The following XKRX variants were observed in gnomAD, a reference collection of about 807,000 sequenced individuals.
XKRX encodes XK related X-linked.
XKRX carries 11 observed loss-of-function variants against 22.4 expected under a neutral mutation model. That is an observed-to-expected ratio of 0.49 (90% CI 0.31 to 0.81). The LOEUF (loss-of-function observed/expected upper bound fraction) is 0.81, where lower values mean the gene tolerates loss of function less well. XKRX is among the 40% of genes least tolerant of loss of function. XKRX has a pLI of 0.05. For synonymous variants in XKRX, 114 were observed against 132.2 expected, an observed-to-expected ratio of 0.86 and a Z score of 0.94; for missense variants, 320 against 336.5, an observed-to-expected ratio of 0.95 and a Z score of 0.38.
intron 2 of XKRX, among the ~76,000 whole-genome samples, chrX:100,916,889 C>T (rs957478980): frequency 1.8e-5 from 2 of 112,358 alleles, no homozygotes; most frequent in Admixed American, 1.9e-4. Context: ...GAGGCCAAGG[C>T]GGATGGATCA....
chrX:100,894,044 G>A, the XKRX span, among the ~76,000 whole-genome samples: 76 of 110,904 alleles, frequency 6.9e-4, no homozygotes, highest in African/African-American at 2.3e-3. Context: ...CGAGGCAGGC[G>A]GATCACAAGG....
the XKRX span, among the ~76,000 whole-genome samples, chrX:100,950,090 T>G: frequency 9.0e-6 from 1 of 110,665 alleles, no homozygotes; most frequent in Admixed American, 9.6e-5. Flanking sequence ...GAAAACAGAC[T>G]AAAAAGAAAT....
the XKRX span, among the ~76,000 whole-genome samples, chrX:100,946,722 G>A: frequency 8.9e-6 from 1 of 111,910 alleles, no homozygotes; most frequent in Admixed American, 9.5e-5. Context: ...CTGCAAGGAG[G>A]AAGCCAGAAA....
At chrX:100,899,669 G>A in the XKRX span, among the ~76,000 whole-genome samples, 1 of 112,497 alleles carries the variant, frequency 8.9e-6, no homozygotes, top group Non-Finnish European at 1.9e-5. Context: ...CTGTTGTGCT[G>A]TGTAAGATCA....
chrX:100,952,265 A>G, the XKRX span, among the ~76,000 whole-genome samples: 1 of 111,306 alleles, frequency 9.0e-6, no homozygotes, highest in Non-Finnish European at 1.9e-5. Flanking sequence ...CATTCATGAT[A>G]AAAGCTCTTA....
chrX:100,901,043 G>A, the XKRX span, among the ~76,000 whole-genome samples: 1 of 110,912 alleles, frequency 9.0e-6, no homozygotes, highest in Non-Finnish European at 1.9e-5. Context: ...GCCCGCCTTG[G>A]CCTCCCAAAG....
chrX:100,906,172 C>T, the XKRX span, among the ~76,000 whole-genome samples: 1 of 111,615 alleles, frequency 9.0e-6, no homozygotes, highest in African/African-American at 3.3e-5. Context: ...CCTCCCCCCA[C>T]AAGTGCATAG....
chrX:100,957,371 A>G, the XKRX span: 1 of 1,205,396 alleles, frequency 8.3e-7, no homozygotes, highest in Non-Finnish European at 1.1e-6. Flanking sequence ...TCTGGCCTGA[A>G]AAACGCTGTG....
At chrX:100,949,967 A>C in the XKRX span, among the ~76,000 whole-genome samples, 2 of 112,408 alleles carry the variant, frequency 1.8e-5, no homozygotes, top group Admixed American at 9.5e-5. Flanking sequence ...AAAATAAAAC[A>C]ATAAAAATTT....
At chrX:100,915,229 T>C (rs1406233215) in intron 2 of XKRX, 146 bp from the exon 3 acceptor site, 1 of 627,156 alleles carries the variant, frequency 1.6e-6, no homozygotes, top group Admixed American at 3.9e-5. Flanking sequence ...ATCACAGCTA[T>C]GTAAACAAAT....
the XKRX span, among the ~76,000 whole-genome samples, chrX:100,955,146 A>G: frequency 1.8e-5 from 2 of 111,824 alleles, no homozygotes; most frequent in Non-Finnish European, 3.8e-5. Flanking sequence ...ACAGGAAAAG[A>G]AAAAAAATTG....
chrX:100,951,535 C>T, the XKRX span, among the ~76,000 whole-genome samples: 1 of 110,505 alleles, frequency 9.0e-6, no homozygotes. Context: ...ACTAGAACAA[C>T]AATAGCAAGG....
At chrX:100,908,543 C>T (rs1166534584), downstream of XKRX, among the ~76,000 whole-genome samples, 2 of 111,897 alleles carry the variant, frequency 1.8e-5, no homozygotes, top group African/African-American at 6.5e-5. Flanking sequence ...ACCCCAGAGG[C>T]TCTAAGGTCT....
intron 2 of XKRX, among the ~76,000 whole-genome samples, chrX:100,917,612 G>GAAAGAA (rs1818952785): frequency 1.2e-5 from 1 of 83,511 alleles, no homozygotes; most frequent in African/African-American, 5.1e-5. Context: ...AAAGGAAAAA[G>GAAAGAA]AGAGAAAGAA....
chrX:100,923,192 C>T (rs1422333391), intron 1 of XKRX, 131 bp from the exon 2 acceptor site: 1 of 813,223 alleles, frequency 1.2e-6, no homozygotes, highest in Non-Finnish European at 1.7e-6. Context: ...TACTCCATCA[C>T]CCTGGCTGGA....
chrX:100,939,685 A>AT, the XKRX span, among the ~76,000 whole-genome samples: 1 of 112,193 alleles, frequency 8.9e-6, no homozygotes, highest in Admixed American at 9.5e-5. Context: ...ATCAGCTGAC[A>AT]CCAGGCCACA....
At chrX:100,890,162 A>T in the XKRX span, among the ~76,000 whole-genome samples, 2 of 111,672 alleles carry the variant, frequency 1.8e-5, no homozygotes, top group Non-Finnish European at 3.8e-5. Flanking sequence ...AGAGAGGTAG[A>T]TAAAAGTCAG....
the XKRX span, among the ~76,000 whole-genome samples, chrX:100,952,594 T>C: frequency 9.0e-6 from 1 of 111,476 alleles, no homozygotes; most frequent in African/African-American, 3.3e-5. Context: ...ACGACATGAC[T>C]GTTTACGTAG....
chrX:100,933,919 T>C (rs2085528405), upstream of XKRX, among the ~76,000 whole-genome samples: 1 of 111,468 alleles, frequency 9.0e-6, no homozygotes, highest in Admixed American at 9.6e-5. Flanking sequence ...ATTCACCCAT[T>C]TAAAGTGTAC....
Sources: allele counts gnomAD v4.1 joint callset (sites outside exome capture counted in the v4.1 genomes callset), GRCh38; gene constraint gnomAD v4.1.1; transcripts MANE v1.5; gene names NCBI Gene and HGNC (gene_info 2026-07-23, HGNC 2026-07-21).